Variants in NSMCE2 observed in about 807,000 individuals in gnomAD.
The protein encoded by NSMCE2 is E3 SUMO-protein ligase NSE2.
In NSMCE2, 24 loss-of-function variants were observed where a neutral mutation model predicts 23.8. The observed-to-expected ratio is 1.01, with a 90% CI of 0.73 to 1.42. NSMCE2 has a LOEUF of 1.42. Among genes scored for constraint, NSMCE2 ranks in the 40% most tolerant of loss-of-function variants. The pLI, the probability that NSMCE2 is intolerant of heterozygous loss-of-function variation, is 0.00. For missense variants in NSMCE2, 284 were observed against 296.5 expected, an observed-to-expected ratio of 0.96 and a Z score of 0.31; for synonymous variants, 92 against 94.1, an observed-to-expected ratio of 0.98 and a Z score of 0.13.
chr8:125,092,033 C>G (rs1012754070), intron 1 of NSMCE2, 75 bp downstream of exon 1: 1 of 152,200 alleles, frequency 6.6e-6, no homozygotes, highest in African/African-American at 2.4e-5. Context: ...TCCACGGGGA[C>G]TCCGAGCCGG....
At chr8:125,149,874 T>G (rs1017760152) in intron 3 of NSMCE2, among the ~76,000 whole-genome samples, 3 of 152,210 alleles carry the variant, frequency 2.0e-5, no homozygotes, top group African/African-American at 7.2e-5. Flanking sequence ...TTATTTTTGT[T>G]TCAGCCTTTT....
At chr8:125,209,040 G>C (rs1824226855) in intron 5 of NSMCE2, among the ~76,000 whole-genome samples, 1 of 152,060 alleles carries the variant, frequency 6.6e-6, no homozygotes, top group Admixed American at 6.6e-5. Flanking sequence ...TTGAACTCCT[G>C]GGCACAGATG....
At chr8:125,260,321 G>C (rs1826633321) in intron 5 of NSMCE2, among the ~76,000 whole-genome samples, 1 of 151,966 alleles carries the variant, frequency 6.6e-6, no homozygotes, top group African/African-American at 2.4e-5. Context: ...GAATCAGGAG[G>C]GTAAAATTAA....
chr8:125,316,671 TTTC>T (rs1331001456), intron 5 of NSMCE2, among the ~76,000 whole-genome samples: 5 of 148,168 alleles, frequency 3.4e-5, no homozygotes, highest in Non-Finnish European at 7.5e-5. Flanking sequence ...TCCTTCCTTC[TTTC>T]CTTCCTTCTT....
intron 5 of NSMCE2, among the ~76,000 whole-genome samples, chr8:125,235,897 G>T (rs1211515508): frequency 6.6e-6 from 1 of 152,180 alleles, no homozygotes; most frequent in African/African-American, 2.4e-5. Flanking sequence ...TCCCTAAGGA[G>T]TTATGACCTA....
chr8:125,148,875 G>A (rs901698640), intron 3 of NSMCE2, among the ~76,000 whole-genome samples: 2 of 152,126 alleles, frequency 1.3e-5, no homozygotes, highest in Non-Finnish European at 2.9e-5. Flanking sequence ...ACAGTAAAAT[G>A]CCTAAATAAA....
Position 125,169,715 on chromosome 8 carries a change from C to T in NSMCE2, c.265-12388C>T, listed in dbSNP as rs536255787. On this transcript the variant is annotated intron_variant, in intron 4 of 7. Coordinates refer to ENST00000287437, the MANE Select transcript of NSMCE2 (RefSeq NM_173685.4). Reference sequence around the variant, plus strand: ...TTATCTGGTAGCCCACGAGATCTTTCTAAAGTGAACATTTGATTTTTTTTT... The same window carrying T: ...TTATCTGGTAGCCCACGAGATCTTTTTAAAGTGAACATTTGATTTTTTTTT... 4.8e-5 allele frequency among the ~76,000 whole-genome samples: 7 copies of T among 145,650 alleles called. 1 individual carries two copies. The highest frequency in any genetic ancestry group is 4.5e-4 in the South Asian group (2 of 4,482).
chr8:125,188,646 G>C (rs1394071008), intron 5 of NSMCE2, among the ~76,000 whole-genome samples: 1 of 151,838 alleles, frequency 6.6e-6, no homozygotes, highest in African/African-American at 2.4e-5. Context: ...AATTTTTTTA[G>C]TGCCTTATTA....
chr8:125,316,127 G>A (rs190342880), intron 5 of NSMCE2, among the ~76,000 whole-genome samples: 1 of 152,276 alleles, frequency 6.6e-6, no homozygotes, highest in African/African-American at 2.4e-5. Context: ...TCTTATCAAT[G>A]CATGATGATA....
chr8:125,313,813 C>G (rs1472634024), intron 5 of NSMCE2, among the ~76,000 whole-genome samples: 1 of 152,166 alleles, frequency 6.6e-6, no homozygotes, highest in African/African-American at 2.4e-5. Context: ...TCTCAACAGA[C>G]TTTGCAGAAC....
intron 5 of NSMCE2, among the ~76,000 whole-genome samples, chr8:125,281,745 C>CTT (rs796070486): frequency 2.8e-5 from 4 of 142,852 alleles, no homozygotes; most frequent in Non-Finnish European, 4.6e-5. Flanking sequence ...ACGGCCGTAA[C>CTT]TTTTTTTTTT....
chr8:125,112,459 C>G (rs1818807768), intron 3 of NSMCE2, among the ~76,000 whole-genome samples: 1 of 152,112 alleles, frequency 6.6e-6, no homozygotes, highest in African/African-American at 2.4e-5. Context: ...CAACATTATT[C>G]ACAATAGCCA....
intron 5 of NSMCE2, among the ~76,000 whole-genome samples, chr8:125,184,441 T>G (rs1563704601): frequency 6.6e-6 from 1 of 152,136 alleles, no homozygotes; most frequent in East Asian, 1.9e-4. Context: ...TCAAACCTTA[T>G]GTATATTTAT....
intron 5 of NSMCE2, among the ~76,000 whole-genome samples, chr8:125,306,321 G>A (rs758338618): frequency 3.3e-5 from 5 of 151,426 alleles, no homozygotes; most frequent in African/African-American, 7.3e-5. Context: ...CAGAGACCCT[G>A]TCTCAAAACA....
At chr8:125,264,534 G>C (rs1041540210) in intron 5 of NSMCE2, among the ~76,000 whole-genome samples, 1 of 152,162 alleles carries the variant, frequency 6.6e-6, no homozygotes, top group African/African-American at 2.4e-5. Context: ...GGCCTCCTGA[G>C]TACCTGGGAC....
At chr8:125,132,938 TCTCATC>T (rs1159805512) in intron 3 of NSMCE2, among the ~76,000 whole-genome samples, 7 of 152,212 alleles carry the variant, frequency 4.6e-5, no homozygotes, top group Non-Finnish European at 1.0e-4. Flanking sequence ...TTACAGGTCA[TCTCATC>T]TAACTCTCTC....
intron 5 of NSMCE2, among the ~76,000 whole-genome samples, chr8:125,299,541 G>GC (rs1563770854): frequency 5.3e-5 from 8 of 152,076 alleles, no homozygotes; most frequent in Non-Finnish European, 1.5e-5. Flanking sequence ...GGGGGAAACA[G>GC]CCCCCATGAC....
chr8:125,164,097 C>T (rs369503628), intron 4 of NSMCE2, among the ~76,000 whole-genome samples: 1 of 152,224 alleles, frequency 6.6e-6, no homozygotes, highest in South Asian at 2.1e-4. Context: ...TAAGTATCAT[C>T]AGTTCATACT....
rs188983518 is a variant in NSMCE2 at position 125,198,782 on chromosome 8, C to T, written c.418+16526C>T. 5.7e-3 allele frequency among the ~76,000 whole-genome samples: 868 copies of T among 152,230 alleles called. 2 individuals carry two copies. Among genetic ancestry groups the T allele is most frequent in the Middle Eastern group, 0.017 (5 of 294 alleles). ...GAATGGTACCAGCTCCTCTTTGTAC[C>T]TCTGGTAGAATTAGGCTGTGAATCT... On this transcript the variant is annotated intron_variant, in intron 5 of 7. Transcript: ENST00000287437.
Sources: gnomAD v4.1 joint callset for allele counts (sites outside exome capture counted in the v4.1 genomes callset) on GRCh38, gnomAD v4.1.1 for gene constraint, MANE v1.5 for transcripts, NCBI Gene and HGNC (gene_info 2026-07-23, HGNC 2026-07-21) for gene names.